The following XPR1 variants were observed in gnomAD, a reference collection of about 807,000 sequenced individuals.
The protein encoded by XPR1 is xenotropic and polytropic retrovirus receptor 1.
In XPR1, 28 loss-of-function variants were observed where a neutral mutation model predicts 87.5. That is an observed-to-expected ratio of 0.32 (90% CI 0.24 to 0.44). The LOEUF is 0.44. Ranked by LOEUF, XPR1 falls within the 20% of genes least tolerant of loss-of-function variation. The pLI, the probability that XPR1 is intolerant of heterozygous loss-of-function variation, is 1.00. For missense variants in XPR1, 559 were observed against 862.3 expected (o/e 0.65, Z 4.41); for synonymous variants, 300 against 306.1 (o/e 0.98, Z 0.21).
chr1:180,699,209 C>CTTTTTTTT (rs1168669274), intron 2 of XPR1, among the ~76,000 whole-genome samples: 1 of 132,580 alleles, frequency 7.5e-6, no homozygotes, highest in African/African-American at 2.8e-5. Context: ...TTTATTCTTT[C>CTTTTTTTT]TTTTTTTTTT....
At chr1:180,726,630 C>T (rs1432433463) in intron 2 of XPR1, among the ~76,000 whole-genome samples, 1 of 152,148 alleles carries the variant, frequency 6.6e-6, no homozygotes, top group Non-Finnish European at 1.5e-5. Context: ...TTTTCACTCT[C>T]ATTTTCTTAC....
chr1:180,735,837 C>T (rs1440053061), intron 2 of XPR1, among the ~76,000 whole-genome samples: 1 of 152,088 alleles, frequency 6.6e-6, no homozygotes, highest in East Asian at 1.9e-4. Context: ...TTGCAGTTCC[C>T]ATCCTTTACA....
At position 180,785,011 on chromosome 1, in the gene XPR1, T is replaced by TGTGTGTG. The variant is rs1649083957; in HGVS notation, c.122-2742_122-2741insGTGTGTG. Among the ~76,000 whole-genome samples the TGTGTGTG allele has an allele frequency of 1.8e-4, 25 of 136,392 alleles. No homozygotes were observed. The South Asian group carries it at 2.9e-3, about 16-fold the overall frequency. The allele number at this position is 136,392 out of a possible 152,430, so 89.5% of individuals were successfully genotyped here. ...GTTAGTTTTTTTCGTGTGTGTGTGT[T>TGTGTGTG]TGTGTGTGTGTGTGTGTGTGTGTGT... On this transcript the variant is annotated intron_variant, in intron 2 of 14. Transcript: ENST00000367590.
At chr1:180,833,505 AAAAAAAAACAC>A (rs1651152219) in intron 9 of XPR1, among the ~76,000 whole-genome samples, 1 of 67,984 alleles carries the variant, frequency 1.5e-5, no homozygotes, top group African/African-American at 4.3e-5. Flanking sequence ...AATGTAAAGC[AAAAAAAAACAC>A]AAAAAAAACA....
At chr1:180,694,538 A>G (rs1438738672) in intron 2 of XPR1, among the ~76,000 whole-genome samples, 1 of 152,152 alleles carries the variant, frequency 6.6e-6, no homozygotes, top group Non-Finnish European at 1.5e-5. Flanking sequence ...GTTATACCTC[A>G]AATTTATCTT....
intron 10 of XPR1, among the ~76,000 whole-genome samples, chr1:180,835,576 A>G (rs910827009): frequency 7.9e-5 from 12 of 152,164 alleles, no homozygotes; most frequent in African/African-American, 2.7e-4. Flanking sequence ...GAGATAGAAT[A>G]TGTAACATGT....
At chr1:180,769,216 G>T (rs938099433) in intron 2 of XPR1, among the ~76,000 whole-genome samples, 2 of 151,934 alleles carry the variant, frequency 1.3e-5, no homozygotes, top group African/African-American at 2.4e-5. Flanking sequence ...GGAGAATGAG[G>T]TATCCATCCC....
intron 7 of XPR1, among the ~76,000 whole-genome samples, chr1:180,822,322 A>G (rs1377909872): frequency 6.6e-6 from 1 of 152,128 alleles, no homozygotes; most frequent in East Asian, 1.9e-4. Context: ...TTCCCTCTCT[A>G]CAAGGAGCCG....
At chr1:180,723,711 G>T (rs1301722802) in intron 2 of XPR1, among the ~76,000 whole-genome samples, 1 of 151,992 alleles carries the variant, frequency 6.6e-6, no homozygotes, top group Non-Finnish European at 1.5e-5. Context: ...TATCTGTTAT[G>T]CCCTGGTGAT....
intron 7 of XPR1, among the ~76,000 whole-genome samples, chr1:180,814,139 T>G (rs914885112): frequency 6.6e-5 from 10 of 152,218 alleles, no homozygotes; most frequent in African/African-American, 2.4e-4. Flanking sequence ...GACTATCAAT[T>G]GTATATTATG....
chr1:180,795,314 TC>T (rs1649528164), intron 3 of XPR1, among the ~76,000 whole-genome samples: 1 of 152,204 alleles, frequency 6.6e-6, no homozygotes, highest in Non-Finnish European at 1.5e-5. Context: ...TTATTCTAGC[TC>T]TTTGAGGGAT....
At chr1:180,656,384 C>T (rs1438508754) in intron 1 of XPR1, among the ~76,000 whole-genome samples, 29 of 80,316 alleles carry the variant, frequency 3.6e-4, no homozygotes, top group South Asian at 6.5e-4. Context: ...ATATAATATT[C>T]ATGTATTTAT....
chr1:180,636,825 G>C (rs1304054213), intron 1 of XPR1, among the ~76,000 whole-genome samples: 1 of 152,168 alleles, frequency 6.6e-6, no homozygotes, highest in East Asian at 1.9e-4. Context: ...GCCGAGGCAG[G>C]CGGATCACTT....
intron 1 of XPR1, among the ~76,000 whole-genome samples, chr1:180,646,652 C>G (rs1476893455): frequency 6.6e-6 from 1 of 151,896 alleles, no homozygotes; most frequent in East Asian, 1.9e-4. Flanking sequence ...GGGTCTTTTC[C>G]CCTATTCAAA....
At chr1:180,707,012 A>G (rs1018726896) in intron 2 of XPR1, among the ~76,000 whole-genome samples, 1 of 152,192 alleles carries the variant, frequency 6.6e-6, no homozygotes, top group Non-Finnish European at 1.5e-5. Context: ...CTAATTTTTC[A>G]GTCAATATCA....
intron 2 of XPR1, among the ~76,000 whole-genome samples, chr1:180,748,891 A>G (rs1647397380): frequency 6.6e-6 from 1 of 152,224 alleles, no homozygotes; most frequent in African/African-American, 2.4e-5. Flanking sequence ...TGTTTTATTG[A>G]CTGTCTAGAT....
intron 2 of XPR1, among the ~76,000 whole-genome samples, chr1:180,737,661 C>T (rs1658772928): frequency 6.6e-6 from 1 of 152,176 alleles, no homozygotes; most frequent in Non-Finnish European, 1.5e-5. Context: ...TTTGTCATTA[C>T]TATATTTTTA....
chr1:180,655,359 A>G (rs1055260253), intron 1 of XPR1, among the ~76,000 whole-genome samples: 2 of 149,126 alleles, frequency 1.3e-5, no homozygotes, highest in African/African-American at 4.9e-5. Context: ...CTCCCATTCA[A>G]TGGGTTGCTT....
chr1:180,864,325 TAGTC>T (rs944404317), intron 12 of XPR1, among the ~76,000 whole-genome samples: 6 of 152,174 alleles, frequency 3.9e-5, no homozygotes, highest in African/African-American at 1.2e-4. Context: ...TTTCCTAGCA[TAGTC>T]AGCTATTCAT....
Sources: allele counts gnomAD v4.1 joint callset (sites outside exome capture counted in the v4.1 genomes callset), GRCh38; gene constraint gnomAD v4.1.1; transcripts MANE v1.5; gene names NCBI Gene and HGNC (gene_info 2026-07-23, HGNC 2026-07-21).